The following PHLDB2 variants were observed in gnomAD, a reference collection of about 807,000 sequenced individuals.
PHLDB2 encodes pleckstrin homology like domain family B member 2, also known as pleckstrin homology-like domain family B member 2.
Under a neutral mutation model 123.6 loss-of-function variants are expected in PHLDB2, and 71 were observed. The ratio of observed to expected loss-of-function variants is 0.57; its 90% CI spans 0.47 to 0.70. The LOEUF (loss-of-function observed/expected upper bound fraction) is 0.70, where lower values mean the gene tolerates loss of function less well. Among genes scored for constraint, PHLDB2 ranks in the 30% least tolerant of loss-of-function variants. The probability of loss-of-function intolerance (pLI) is 0.00; values close to 1 mark genes in which losing one functional copy is unlikely to be tolerated. For synonymous variants in PHLDB2, 547 were observed against 541.6 expected (o/e 1.01, Z -0.14); for missense variants, 1,446 against 1,519.5 (o/e 0.95, Z 0.80).
intron 14 of PHLDB2, among the ~76,000 whole-genome samples, chr3:111,967,345 T>G (rs1418455623): frequency 6.6e-6 from 1 of 152,230 alleles, no homozygotes. Flanking sequence ...TGATAAGTGC[T>G]AAAGTACAGT....
At chr3:111,900,743 G>C (rs1268089505) in intron 2 of PHLDB2, among the ~76,000 whole-genome samples, 1 of 152,188 alleles carries the variant, frequency 6.6e-6, no homozygotes, top group Non-Finnish European at 1.5e-5. Context: ...TGTGCTAATA[G>C]ACTTGCTCGC....
chr3:111,950,167 A>C (rs1234055774), intron 10 of PHLDB2, among the ~76,000 whole-genome samples: 1 of 152,164 alleles, frequency 6.6e-6, no homozygotes, highest in Non-Finnish European at 1.5e-5. Context: ...AAATATTGCA[A>C]CTTATCTCAG....
chr3:111,779,879 A>G, intron 1 of PHLDB2: 2 of 983,508 alleles, frequency 2.0e-6, no homozygotes, highest in Non-Finnish European at 2.4e-6. Context: ...TAAGTAGTCA[A>G]TCAGCCATGG....
intron 5 of PHLDB2, among the ~76,000 whole-genome samples, chr3:111,927,017 A>G (rs1417633462): frequency 6.6e-6 from 1 of 152,214 alleles, no homozygotes; most frequent in Admixed American, 6.5e-5. Context: ...ATCAAAAGGA[A>G]TGCTTAAACA....
chr3:111,817,495 A>G (rs2062142155), intron 1 of PHLDB2, among the ~76,000 whole-genome samples: 1 of 152,262 alleles, frequency 6.6e-6, no homozygotes, highest in South Asian at 2.1e-4. Context: ...GAAAATCATT[A>G]GAAAGGTCAC....
At chr3:111,905,036 T>A (rs1478953496) in intron 2 of PHLDB2, among the ~76,000 whole-genome samples, 1 of 152,210 alleles carries the variant, frequency 6.6e-6, no homozygotes, top group Admixed American at 6.5e-5. Flanking sequence ...TGGCCACTAG[T>A]TGCATGAGAG....
chr3:111,751,092 A>T (rs1355223311), intron 1 of PHLDB2, among the ~76,000 whole-genome samples: 3 of 152,128 alleles, frequency 2.0e-5, no homozygotes, highest in African/African-American at 7.2e-5. Flanking sequence ...GTTCTAAGCC[A>T]ACCTGTGATC....
At chr3:111,878,362 T>C (rs987425317) in intron 1 of PHLDB2, among the ~76,000 whole-genome samples, 5 of 152,188 alleles carry the variant, frequency 3.3e-5, no homozygotes, top group Non-Finnish European at 5.9e-5. Context: ...TTGTCTGTTA[T>C]TGGTGAATAG....
At chr3:111,732,910 T>C (rs1203481599) in intron 1 of PHLDB2, among the ~76,000 whole-genome samples, 2 of 152,196 alleles carry the variant, frequency 1.3e-5, no homozygotes, top group African/African-American at 2.4e-5. Context: ...CTGAAAATTG[T>C]TGTTGCTCCT....
At chr3:111,920,224 G>T in intron 4 of PHLDB2, 58 bp from the exon 5 acceptor site, 1 of 1,570,170 alleles carries the variant, frequency 6.4e-7, no homozygotes, top group South Asian at 1.2e-5. Context: ...CTCTAGGGTG[G>T]TCAGTTGAGA....
intron 1 of PHLDB2, among the ~76,000 whole-genome samples, chr3:111,786,919 T>C (rs1478559568): frequency 6.6e-6 from 1 of 152,208 alleles, no homozygotes; most frequent in African/African-American, 2.4e-5. Flanking sequence ...CTTGTCCTAT[T>C]GAGAGCCTCA....
intron 1 of PHLDB2, among the ~76,000 whole-genome samples, chr3:111,800,938 G>A (rs951603877): frequency 6.6e-6 from 1 of 152,156 alleles, no homozygotes; most frequent in African/African-American, 2.4e-5. Flanking sequence ...GCTGGTACAA[G>A]TATAATACAT....
chr3:111,956,080 C>T (rs909623021), intron 12 of PHLDB2, among the ~76,000 whole-genome samples: 2 of 152,090 alleles, frequency 1.3e-5, no homozygotes, highest in African/African-American at 4.8e-5. Context: ...CTGTGGTCCC[C>T]ACCACTCAGG....
At chr3:111,942,386 T>C (rs375431132) in intron 8 of PHLDB2, among the ~76,000 whole-genome samples, 8 of 152,234 alleles carry the variant, frequency 5.3e-5, no homozygotes, top group African/African-American at 1.9e-4. Context: ...TTTGTGATTA[T>C]GTCTACTTGC....
chr3:111,962,051 T>A (rs773578940), intron 12 of PHLDB2, 57 bp from the exon 13 acceptor site: 1 of 1,508,094 alleles, frequency 6.6e-7, no homozygotes, highest in East Asian at 2.3e-5. Context: ...TGTAGATGTT[T>A]AAGATTCAAA....
intron 16 of PHLDB2, among the ~76,000 whole-genome samples, chr3:111,970,960 C>T (rs2072135727): frequency 6.6e-6 from 1 of 151,760 alleles, no homozygotes; most frequent in Admixed American, 6.6e-5. Flanking sequence ...GGCTCAGGAG[C>T]CCCAGAAAAT....
intron 1 of PHLDB2, among the ~76,000 whole-genome samples, chr3:111,862,332 T>A (rs779965559): frequency 6.6e-6 from 1 of 152,218 alleles, no homozygotes; most frequent in Admixed American, 6.5e-5. Flanking sequence ...TTGTTGATTG[T>A]GTAAATGTCA....
intron 1 of PHLDB2, among the ~76,000 whole-genome samples, chr3:111,866,500 A>G (rs372734826): frequency 9.2e-5 from 14 of 152,224 alleles, no homozygotes; most frequent in African/African-American, 3.4e-4. Flanking sequence ...ACTTTGGAAA[A>G]ATTAAATATT....
chr3:111,909,279 C>T (rs982264333), intron 2 of PHLDB2, among the ~76,000 whole-genome samples: 1 of 152,094 alleles, frequency 6.6e-6, no homozygotes, highest in Non-Finnish European at 1.5e-5. Context: ...TATAAGTGAT[C>T]ACCTATTTGT....
Sources: allele counts gnomAD v4.1 joint callset (sites outside exome capture counted in the v4.1 genomes callset), GRCh38; gene constraint gnomAD v4.1.1; transcripts MANE v1.5; gene names NCBI Gene and HGNC (gene_info 2026-07-23, HGNC 2026-07-21).